Variants in IQCK observed in about 807,000 individuals in gnomAD.
IQCK encodes IQ motif containing K.
A neutral mutation model predicts 28.1 loss-of-function variants in IQCK; 29 were observed. The observed-to-expected ratio is 1.03, with a 90% CI of 0.77 to 1.41. The LOEUF (loss-of-function observed/expected upper bound fraction) is 1.41. Among genes scored for constraint, IQCK ranks in the 40% most tolerant of loss-of-function variants. The probability of loss-of-function intolerance (pLI) is 0.00; values close to 1 mark genes in which losing one functional copy is unlikely to be tolerated. For synonymous variants in IQCK, 113 were observed against 115.1 expected (o/e 0.98, Z 0.12); for missense variants, 359 against 314.7 (o/e 1.14, Z -1.07).
chr16:19,786,300 T>A (rs2055560784), intron 6 of IQCK, among the ~76,000 whole-genome samples: 1 of 151,962 alleles, frequency 6.6e-6, no homozygotes, highest in Non-Finnish European at 1.5e-5. Context: ...ATGCCTGTAA[T>A]TCCAGTGCTT....
chr16:19,749,313 A>G (rs2054954349), intron 4 of IQCK, among the ~76,000 whole-genome samples: 1 of 152,222 alleles, frequency 6.6e-6, no homozygotes, highest in Non-Finnish European at 1.5e-5. Flanking sequence ...AACGCCTTCC[A>G]ACTACACAGG....
At chr16:19,830,971 G>A (rs2056224718), downstream of IQCK, among the ~76,000 whole-genome samples, 1 of 152,164 alleles carries the variant, frequency 6.6e-6, no homozygotes, top group African/African-American at 2.4e-5. Context: ...CTTTCATGTA[G>A]GACCGTGTTT....
chr16:19,812,361 T>C (rs567592494), intron 7 of IQCK, among the ~76,000 whole-genome samples: 10 of 152,360 alleles, frequency 6.6e-5, no homozygotes, highest in African/African-American at 2.4e-4. Context: ...AGCTGGGGGC[T>C]ATAGGTTCTA....
chr16:19,850,141 T>G (rs371025619), intron 9 of IQCK, among the ~76,000 whole-genome samples: 2 of 152,208 alleles, frequency 1.3e-5, no homozygotes, highest in South Asian at 4.1e-4. Context: ...CTCAAACTGT[T>G]TATGTGGTAG....
chr16:19,776,884 C>T (rs2055404050), intron 6 of IQCK, among the ~76,000 whole-genome samples: 1 of 152,166 alleles, frequency 6.6e-6, no homozygotes, highest in Non-Finnish European at 1.5e-5. Flanking sequence ...AGTCGTGACT[C>T]AACCAGCCAA....
chr16:19,782,774 T>G (rs2055505582), intron 6 of IQCK, among the ~76,000 whole-genome samples: 1 of 152,210 alleles, frequency 6.6e-6, no homozygotes, highest in South Asian at 2.1e-4. Flanking sequence ...TTGAACTGGA[T>G]GAAGAAATTG....
intron 6 of IQCK, among the ~76,000 whole-genome samples, chr16:19,779,044 G>A (rs1658405324): frequency 6.6e-6 from 1 of 152,170 alleles, no homozygotes; most frequent in African/African-American, 2.4e-5. Flanking sequence ...GTGCAGTGGT[G>A]CGATCATAGC....
intron 4 of IQCK, among the ~76,000 whole-genome samples, chr16:19,737,180 T>TA (rs1296147208): frequency 1.3e-5 from 2 of 151,634 alleles, no homozygotes; most frequent in African/African-American, 2.4e-5. Context: ...AAAAAGATAC[T>TA]AAAAAAGTCG....
At chr16:19,782,125 A>G (rs996216436) in intron 6 of IQCK, among the ~76,000 whole-genome samples, 1 of 152,094 alleles carries the variant, frequency 6.6e-6, no homozygotes, top group Non-Finnish European at 1.5e-5. Flanking sequence ...GTATTGCAAA[A>G]CTTCATGAGG....
chr16:19,834,170 GA>G (rs1431266630), intron 9 of IQCK, among the ~76,000 whole-genome samples: 1 of 152,202 alleles, frequency 6.6e-6, no homozygotes, highest in Non-Finnish European at 1.5e-5. Flanking sequence ...CGAGAGCAAA[GA>G]AGGATGTCTG....
intron 4 of IQCK, among the ~76,000 whole-genome samples, chr16:19,747,657 G>A (rs2054929999): frequency 6.6e-6 from 1 of 151,898 alleles, no homozygotes; most frequent in Non-Finnish European, 1.5e-5. Flanking sequence ...TCACCCTTCC[G>A]AGTCTTCACT....
intron 6 of IQCK, among the ~76,000 whole-genome samples, chr16:19,783,214 G>A (rs1452240922): frequency 6.6e-6 from 1 of 152,048 alleles, no homozygotes; most frequent in Non-Finnish European, 1.5e-5. Flanking sequence ...GGCCAGGCTG[G>A]TCTCGAACTC....
chr16:19,857,824 A>C (rs2056581779), exon 10 of IQCK: 1 of 154,504 alleles, frequency 6.5e-6, no homozygotes, highest in South Asian at 2.0e-4. Context: ...CTGGAGATGC[A>C]CAGAACTTCC....
chr16:19,728,689 T>C (rs1977735441), intron 1 of IQCK, among the ~76,000 whole-genome samples: 3 of 152,232 alleles, frequency 2.0e-5, no homozygotes. Flanking sequence ...ATTCTTGGAC[T>C]CCTGACTCAG....
intron 4 of IQCK, among the ~76,000 whole-genome samples, chr16:19,750,672 G>T (rs1483424512): frequency 6.6e-6 from 1 of 151,848 alleles, no homozygotes; most frequent in Non-Finnish European, 1.5e-5. Flanking sequence ...ATGTTGGCCA[G>T]GCTGGTCTCG....
chr16:19,748,630 C>T (rs2054945517), intron 4 of IQCK, among the ~76,000 whole-genome samples: 1 of 152,070 alleles, frequency 6.6e-6, no homozygotes, highest in Admixed American at 6.5e-5. Flanking sequence ...AGTGCTATTC[C>T]CCATGGCCTC....
intron 7 of IQCK, among the ~76,000 whole-genome samples, chr16:19,814,786 CTTTTTTTT>C (rs35073247): frequency 1.6e-5 from 2 of 122,430 alleles, no homozygotes; most frequent in Admixed American, 8.5e-5. Flanking sequence ...TAAAGAGGGT[CTTTTTTTT>C]TTTTTTTTTT....
intron 1 of IQCK, among the ~76,000 whole-genome samples, chr16:19,725,673 T>A (rs118143864): frequency 0.016 from 2,457 of 152,332 alleles, 26 homozygotes; most frequent in Non-Finnish European, 0.026. Context: ...TGTAAAAGCA[T>A]CAGTCTGTAA....
chr16:19,718,652 G>A (rs113617375), intron 1 of IQCK, among the ~76,000 whole-genome samples, 165 bp downstream of exon 1: 6 of 152,342 alleles, frequency 3.9e-5, no homozygotes, highest in African/African-American at 1.4e-4. Context: ...CTGAGGCTCG[G>A]AGAGGCTGGC....
Sources: gnomAD v4.1 joint callset for allele counts (sites outside exome capture counted in the v4.1 genomes callset) on GRCh38, gnomAD v4.1.1 for gene constraint, MANE v1.5 for transcripts, NCBI Gene and HGNC (gene_info 2026-07-23, HGNC 2026-07-21) for gene names.